DLG5: variants seen among roughly 807,000 people sequenced by gnomAD.
The protein encoded by DLG5 is discs large MAGUK scaffold protein 5.
In DLG5, 48 loss-of-function variants were observed where a neutral mutation model predicts 189.8. The ratio of observed to expected loss-of-function variants is 0.25; its 90% confidence interval spans 0.20 to 0.32. The LOEUF (loss-of-function observed/expected upper bound fraction) is 0.32, where lower values mean the gene tolerates loss of function less well. Ranked by LOEUF, DLG5 falls within the 10% of genes least tolerant of loss-of-function variation. The pLI is 1.00. For missense variants in DLG5, 2,160 were observed against 2,544.7 expected (o/e 0.85, Z 3.25); for synonymous variants, 1,016 against 1,054.1 (o/e 0.96, Z 0.70).
Position 77,816,993 on chromosome 10 carries a change from C to T in DLG5, c.3874+14G>A, listed in dbSNP as rs758249532. The stretch of plus-strand genomic sequence containing the variant: ...GGAAAAGCAGGAGAGATGGGAATGT[C>T]GAGAAGTCCTTACCTCTCTCGGAGC... On this transcript the variant is annotated intron_variant, in intron 19 of 31. Transcript: ENST00000372391. The T allele has an allele frequency of 3.3e-5, 54 of 1,612,512 alleles. 1 individual carries two copies. The Admixed American group carries it at 4.3e-4, about 13-fold the overall frequency.
intron 7 of DLG5, among the ~76,000 whole-genome samples, chr10:77,839,748 C>G (rs892508718): frequency 3.9e-5 from 6 of 152,200 alleles, no homozygotes; most frequent in African/African-American, 1.4e-4. Flanking sequence ...TTACCAAATT[C>G]TAATGCATTA....
chr10:77,801,893 G>A (rs79653056), intron 27 of DLG5, among the ~76,000 whole-genome samples: 2,155 of 152,314 alleles, frequency 0.014, 54 homozygotes, highest in African/African-American at 0.048. Flanking sequence ...GGCCTTGGGA[G>A]GAAGGGCTTT....
At chr10:77,861,236 G>A (rs750604309) in intron 2 of DLG5, among the ~76,000 whole-genome samples, 2 of 152,172 alleles carry the variant, frequency 1.3e-5, no homozygotes, top group Non-Finnish European at 2.9e-5. Flanking sequence ...CGAGCCCTCT[G>A]AAAGGACCTC....
chr10:77,905,515 G>A (rs900735510), intron 1 of DLG5, among the ~76,000 whole-genome samples: 7 of 152,096 alleles, frequency 4.6e-5, no homozygotes, highest in Non-Finnish European at 7.3e-5. Context: ...TTGTCCCTAC[G>A]TTAAAAACAC....
intron 31 of DLG5, 102 bp downstream of exon 31, chr10:77,793,906 T>C (rs1840768842): frequency 1.9e-6 from 2 of 1,028,632 alleles, no homozygotes; most frequent in Non-Finnish European, 3.0e-6. Context: ...CTTGGGAGCA[T>C]GTAGAAAGTG....
At chr10:77,819,271 G>A in intron 17 of DLG5, 50 bp downstream of exon 17, 1 of 1,612,188 alleles carries the variant, frequency 6.2e-7, no homozygotes. Context: ...CCATGTCCAG[G>A]CAGGCTTGGG....
the DLG5 span, among the ~76,000 whole-genome samples, chr10:77,933,541 C>A: frequency 6.6e-6 from 1 of 152,010 alleles, no homozygotes; most frequent in African/African-American, 2.4e-5. Flanking sequence ...TGATCCACCC[C>A]ACTCAGCCTC....
intron 11 of DLG5, 46 bp from the exon 12 acceptor site, chr10:77,829,576 C>A (rs1842803706): frequency 6.5e-7 from 1 of 1,543,358 alleles, no homozygotes; most frequent in Non-Finnish European, 8.8e-7. Context: ...GGCTGTGGGA[C>A]CAGCGGCTAC....
the DLG5 span, among the ~76,000 whole-genome samples, chr10:77,933,698 C>T: frequency 3.4e-4 from 49 of 143,278 alleles, no homozygotes; most frequent in Admixed American, 1.9e-3. Context: ...CACTCCAGCC[C>T]GGGTAACAGA....
At chr10:77,875,860 C>A (rs1051241030) in intron 1 of DLG5, among the ~76,000 whole-genome samples, 1 of 151,762 alleles carries the variant, frequency 6.6e-6, no homozygotes, top group African/African-American at 2.4e-5. Flanking sequence ...CAGCCCCAGC[C>A]CCTCCCTAGG....
At chr10:77,858,577 G>A (rs1198316591) in intron 2 of DLG5, among the ~76,000 whole-genome samples, 1 of 151,930 alleles carries the variant, frequency 6.6e-6, no homozygotes, top group African/African-American at 2.4e-5. Context: ...CGTCAAGGCT[G>A]CAGTGAGCCG....
chr10:77,909,753 G>GT (rs1241668922), intron 1 of DLG5, among the ~76,000 whole-genome samples: 6 of 152,094 alleles, frequency 3.9e-5, no homozygotes, highest in East Asian at 1.9e-4. Flanking sequence ...GTTTAGCTCC[G>GT]TTTTTTTCAG....
chr10:77,871,935 G>T (rs539280722), intron 1 of DLG5, among the ~76,000 whole-genome samples: 1 of 152,114 alleles, frequency 6.6e-6, no homozygotes, highest in Admixed American at 6.5e-5. Flanking sequence ...AATGCAATTC[G>T]GGCAATCCAT....
chr10:77,817,778 C>G lies in DLG5; in HGVS notation c.3783G>C (p.Leu1261=). ...ACAAAGTCCAAGTGGTGCAGTTACCCAGGCGGGCGCTGGAGGGCAGTGAGT... is the reference window on the plus strand; with the variant it reads ...ACAAAGTCCAAGTGGTGCAGTTACCGAGGCGGGCGCTGGAGGGCAGTGAGT... The part of the protein sequence containing the change: ...GSNSLPSSAR[L]GSSSNLQFKA... The change falls in exon 18 of 32, where the codon CTG becomes CTC. Residue 1261 remains leucine, a splice_region_variant and synonymous_variant. Coordinates refer to ENST00000372391, the MANE Select transcript of DLG5 (RefSeq NM_004747.4). The G allele has an allele frequency of 6.4e-7, 1 of 1,553,092 alleles. No homozygotes were observed. Among genetic ancestry groups the G allele is most frequent in the East Asian group, 2.4e-5 (1 of 41,108 alleles).
At chr10:77,840,395 A>G (rs1157006524) in intron 7 of DLG5, among the ~76,000 whole-genome samples, 1 of 151,766 alleles carries the variant, frequency 6.6e-6, no homozygotes, top group Admixed American at 6.6e-5. Flanking sequence ...TAAAAAATAA[A>G]TTAAAAATAG....
chr10:77,921,753 C>T (rs58878712), intron 1 of DLG5, among the ~76,000 whole-genome samples: 1 of 152,344 alleles, frequency 6.6e-6, no homozygotes, highest in African/African-American at 2.4e-5. Context: ...CTCCAGCGGA[C>T]GCTGCTGGCT....
chr10:77,904,528 G>A (rs1031891295), intron 1 of DLG5, among the ~76,000 whole-genome samples: 1 of 152,110 alleles, frequency 6.6e-6, no homozygotes, highest in East Asian at 1.9e-4. Flanking sequence ...GAATTCTCAC[G>A]TGTTGTGGGA....
intron 1 of DLG5, among the ~76,000 whole-genome samples, chr10:77,914,739 TCAG>T (rs1432544539): frequency 6.6e-6 from 1 of 152,030 alleles, no homozygotes; most frequent in Non-Finnish European, 1.5e-5. Flanking sequence ...TCCCAGGGGC[TCAG>T]CAAAGAGTTG....
chr10:77,939,968 C>T, the DLG5 span, among the ~76,000 whole-genome samples: 2 of 152,218 alleles, frequency 1.3e-5, no homozygotes, highest in Non-Finnish European at 2.9e-5. Context: ...CCTGTAGCAA[C>T]CAATTCAGAA....
Sources: allele counts gnomAD v4.1 joint callset (sites outside exome capture counted in the v4.1 genomes callset), GRCh38; gene constraint gnomAD v4.1.1; transcripts MANE v1.5; gene names NCBI Gene and HGNC (gene_info 2026-07-23, HGNC 2026-07-21).